The following DENND4B variants were observed in gnomAD, a reference collection of about 807,000 sequenced individuals.
The protein encoded by DENND4B is DENN domain containing 4B, also known as DENN domain-containing protein 4B.
In DENND4B, 67 loss-of-function variants were observed where a neutral mutation model predicts 161.0. The observed-to-expected ratio is 0.42, with a 90% confidence interval of 0.34 to 0.51. The LOEUF is 0.51. Among genes scored for constraint, DENND4B ranks in the 20% least tolerant of loss-of-function variants. DENND4B has a pLI of 0.08. For missense variants in DENND4B, 1,481 were observed against 1,968.0 expected (o/e 0.75, Z 4.68); for synonymous variants, 753 against 813.8 (o/e 0.93, Z 1.27).
At chr1:153,945,111 G>A in intron 1 of DENND4B, 1 of 1,289,374 alleles carries the variant, frequency 7.8e-7, no homozygotes, top group Non-Finnish European at 1.0e-6. Flanking sequence ...GACAGAAACA[G>A]GCCCACAACA....
At chr1:153,941,773 CAG>C in intron 6 of DENND4B, 94 bp downstream of exon 6, 16 of 1,426,288 alleles carry the variant, frequency 1.1e-5, no homozygotes, top group African/African-American at 1.4e-5. Context: ...ACCCTGTGCC[CAG>C]CCCTCCCCCC....
At position 153,938,957 on chromosome 1, in the gene DENND4B, G is replaced by A. The variant is rs766983146; in HGVS notation, c.1908C>T (p.Cys636=). ...CAGCATGGCGAGCAGAGCCAAAAGA[G>A]CACTCCTCAATGAACTGTGAGAACA... The part of the protein sequence containing the change: ...TQMFSQFIEE[C]SFGSARHAAL... Residue 636 remains cysteine (C), a synonymous_variant, in exon 13 of 28, where the codon TGC becomes TGT. Transcript: ENST00000361217. 18 of 1,609,404 alleles carry A rather than the reference G, an allele frequency of 1.1e-5. No individual in the cohort carries two copies. In the South Asian group the frequency reaches 2.0e-4, roughly 18 times the overall value.
intron 12 of DENND4B, 55 bp from the exon 13 acceptor site, chr1:153,939,100 A>T: frequency 6.3e-7 from 1 of 1,584,782 alleles, no homozygotes; most frequent in Non-Finnish European, 8.6e-7. Context: ...TCTCCACCAC[A>T]GCCATAGCTT....
In DENND4B at chr1:153,933,981, C is replaced by T; in HGVS notation, c.2942-110G>A. On this transcript the variant is annotated intron_variant, in intron 19 of 27. Coordinates refer to ENST00000361217, the MANE Select transcript of DENND4B (RefSeq NM_014856.3). This position sits in a 1 kb window ranked among gnomAD's most constrained non-coding sequence, Gnocchi z 5.7. ...GCACAAACTCTGGTGCCACCACCCC[C>T]ACCATGATGATATTCTGGGCGAGAT... is the stretch of plus-strand genomic sequence containing the variant. The T allele has an allele frequency of 6.6e-7, 1 of 1,510,928 alleles. No homozygotes were observed. The highest frequency in any genetic ancestry group is 8.8e-7 in the Non-Finnish European group (1 of 1,129,962). 93.6% of individuals were successfully genotyped at this position (1,510,928 alleles called of 1,614,324 possible).
In DENND4B at chr1:153,934,408, G is replaced by T; in HGVS notation, c.2774-106C>A. ...CCAGGGTTTGCAGGGTTCCTCCCAG[G>T]CAAAACTTTATCCGTTTTGTGTTTG... On this transcript the variant is annotated intron_variant, in intron 18 of 27. Coordinates refer to ENST00000361217, the MANE Select transcript of DENND4B (RefSeq NM_014856.3). The surrounding 1 kb of genome is among the most constrained non-coding windows in gnomAD (Gnocchi z 5.3). The T allele has an allele frequency of 7.2e-7, 1 of 1,391,402 alleles. No individual in the cohort carries two copies. The highest frequency in any genetic ancestry group is 9.7e-7 in the Non-Finnish European group (1 of 1,032,090). 86.2% of individuals were successfully genotyped at this position (1,391,402 alleles called of 1,614,324 possible).
At chr1:153,941,782 CCCCA>C in intron 6 of DENND4B, 83 bp downstream of exon 6, 3 of 800,086 alleles carry the variant, frequency 3.7e-6, no homozygotes, top group Non-Finnish European at 4.0e-6. Flanking sequence ...CCAGCCCTCC[CCCCA>C]CCCACATCTG....
chr1:153,940,657 G>A lies in DENND4B; in HGVS notation c.1327-51C>T, dbSNP rs1679613910. On this transcript the variant is annotated intron_variant, in intron 9 of 27. Coordinates refer to ENST00000361217, the MANE Select transcript of DENND4B (RefSeq NM_014856.3). The surrounding 1 kb of genome is among the most constrained non-coding windows in gnomAD (Gnocchi z 5.6). ...GTGAACAGGGGGTTGAGGCAGCAGT[G>A]GGAGGCACAGGAGAGAGAAAGAGAG... 6.3e-7 allele frequency: 1 copy of A among 1,582,646 alleles called. No individual in the cohort carries two copies. Among genetic ancestry groups the A allele is most frequent in the Non-Finnish European group, 8.6e-7 (1 of 1,163,830 alleles).
intron 13 of DENND4B, among the ~76,000 whole-genome samples, chr1:153,938,101 A>G (rs1679449745): frequency 6.6e-6 from 1 of 152,196 alleles, no homozygotes; most frequent in Non-Finnish European, 1.5e-5. Context: ...GTTAAGATAT[A>G]GAGTTGTGTT....
chr1:153,942,841 C>G lies in DENND4B; in HGVS notation c.570+37G>C, dbSNP rs1557858254. On this transcript the variant is annotated intron_variant, in intron 3 of 27. Transcript: ENST00000361217. This position sits in a 1 kb window ranked among gnomAD's most constrained non-coding sequence, Gnocchi z 6.9. ...CCCAGTGTCCACACCCACTCTTACA[C>G]CAAGAGGACCAGGTGTCAGCTCTTG... 3 of 1,566,192 alleles carry G rather than the reference C, an allele frequency of 1.9e-6. No homozygotes were observed. Among genetic ancestry groups the G allele is most frequent in the Non-Finnish European group, 2.6e-6 (3 of 1,152,044 alleles).
chr1:153,943,435 T>A (rs779533731), intron 2 of DENND4B, among the ~76,000 whole-genome samples: 2 of 152,168 alleles, frequency 1.3e-5, no homozygotes, highest in Non-Finnish European at 2.9e-5. Flanking sequence ...CCCAGCACTT[T>A]GGGAGGCCAA....
Position 153,929,600 on chromosome 1 carries a change from C to T in DENND4B, c.*697G>A, listed in dbSNP as rs2101988493. 1 of 152,326 alleles carries T rather than the reference C, an allele frequency of 6.6e-6. No individual in the cohort carries two copies. The highest frequency in any genetic ancestry group is 1.9e-4 in the East Asian group (1 of 5,174). 9.4% of individuals were successfully genotyped at this position (152,326 alleles called of 1,614,324 possible). ...TCAGGACCTGGGTGGGTGAGGCATT[C>T]CCCAAGGCGGGGCAGGCAAGAAAAA... On this transcript the variant is annotated 3_prime_UTR_variant, in exon 28 of 28. Coordinates refer to ENST00000361217, the MANE Select transcript of DENND4B (RefSeq NM_014856.3).
At position 153,933,146 on chromosome 1, in the gene DENND4B, G is replaced by A. The variant is rs375614366; in HGVS notation, c.3453+51C>T. 14 of 1,611,954 alleles carry A rather than the reference G, an allele frequency of 8.7e-6. No homozygotes were observed. Among genetic ancestry groups the A allele is most frequent in the Admixed American group, 5.0e-5 (3 of 59,570 alleles). ...CCATCTCCTGCCTTGGACAGGGTGA[G>A]TGTGTGCTATGTGTGTTCAAGCACA... is the stretch of plus-strand genomic sequence containing the variant. On this transcript the variant is annotated intron_variant, in intron 21 of 27. Coordinates refer to ENST00000361217, the MANE Select transcript of DENND4B (RefSeq NM_014856.3). This position sits in a 1 kb window ranked among gnomAD's most constrained non-coding sequence, Gnocchi z 5.7.
chr1:153,936,479 C>A lies in DENND4B; in HGVS notation c.2439+63G>T. On this transcript the variant is annotated intron_variant, in intron 16 of 27. Transcript: ENST00000361217. The surrounding 1 kb of genome is among the most constrained non-coding windows in gnomAD (Gnocchi z 4.1). ...TCTCCACCAAGTTTCCCTCTCACAG[C>A]CCTCTCCAGCTGCACAAGGCTCACT... 6.8e-7 allele frequency: 1 copy of A among 1,469,204 alleles called. No individual in the cohort carries two copies. Among genetic ancestry groups the A allele is most frequent in the Admixed American group, 2.3e-5 (1 of 42,682 alleles). 91.0% of individuals were successfully genotyped at this position (1,469,204 alleles called of 1,614,324 possible).
chr1:153,941,142 G>T, intron 8 of DENND4B, 89 bp downstream of exon 8: 1 of 1,576,868 alleles, frequency 6.3e-7, no homozygotes, highest in Non-Finnish European at 8.6e-7. Context: ...GACCCAGCCT[G>T]CATAAACCTC....
In DENND4B at chr1:153,933,942, C is replaced by T; in HGVS notation, c.2942-71G>A. On this transcript the variant is annotated intron_variant, in intron 19 of 27. Coordinates refer to ENST00000361217, the MANE Select transcript of DENND4B (RefSeq NM_014856.3). The surrounding 1 kb of genome is among the most constrained non-coding windows in gnomAD (Gnocchi z 5.7). ...ACCAACTTCCCCTTTCCTGAATAAA[C>T]ACAATTCCTGGCTGCACAAACTCTG... 1 of 1,567,916 alleles carries T rather than the reference C, an allele frequency of 6.4e-7. No individual in the cohort carries two copies. Among genetic ancestry groups the T allele is most frequent in the African/African-American group, 1.4e-5 (1 of 72,374 alleles).
Position 153,937,991 on chromosome 1 carries a change from G to T in DENND4B, c.1966-128C>A, listed in dbSNP as rs998071024. ...AAGAGACACAGCCTGGGAAGATGGC[G>T]TCAGGAACGGGAGGACAGTACATTA... On this transcript the variant is annotated intron_variant, in intron 13 of 27. Coordinates refer to ENST00000361217, the MANE Select transcript of DENND4B (RefSeq NM_014856.3). This position sits in a 1 kb window ranked among gnomAD's most constrained non-coding sequence, Gnocchi z 4.7. The T allele has an allele frequency of 3.0e-6, 4 of 1,347,340 alleles. No individual in the cohort carries two copies. The South Asian group carries it at 5.3e-5, about 18-fold the overall frequency. 83.5% of individuals were successfully genotyped at this position (1,347,340 alleles called of 1,614,324 possible).
At chr1:153,935,063 T>C in intron 17 of DENND4B, 99 bp from the exon 18 acceptor site, 2 of 1,549,674 alleles carry the variant, frequency 1.3e-6, no homozygotes, top group Non-Finnish European at 1.7e-6. Flanking sequence ...GCCCTTCCCC[T>C]GCAGACATCC....
rs770514950 is a variant in DENND4B, at chr1:153,944,075, G to A, written c.300C>T (p.Pro100=). ...VICYRRGRDK[P]PLVELGVLYE... ...GCACACACCCCAGCTCAACGAGGGG[G>A]GGCTTGTCACGGCCCCTGCGGTAGC... The change falls in exon 2 of 28, where the codon CCC becomes CCT. Residue 100 remains proline (P), a synonymous_variant. Transcript: ENST00000361217. This position sits in a 1 kb window ranked among gnomAD's most constrained non-coding sequence, Gnocchi z 4.8. 1.3e-5 allele frequency: 20 copies of A among 1,575,100 alleles called. No individual in the cohort carries two copies. The East Asian group carries it at 2.3e-4, about 18-fold the overall frequency.
At position 153,933,464 on chromosome 1, in the gene DENND4B, ACCCTCCTT is replaced by A; in HGVS notation, c.3330+11_3330+18del. 6.4e-7 allele frequency: 1 copy of A among 1,570,522 alleles called. No homozygotes were observed. Among genetic ancestry groups the A allele is most frequent in the Non-Finnish European group, 8.6e-7 (1 of 1,158,176 alleles). ...AGCCCACTAATGCTAAGGCATCTGG[ACCCTCCTT>A]CACTGGCTACCTCGGAGGCAGTGGA... On this transcript the variant is annotated intron_variant, in intron 20 of 27. Transcript: ENST00000361217. This position sits in a 1 kb window ranked among gnomAD's most constrained non-coding sequence, Gnocchi z 5.7.
Sources: gnomAD v4.1 joint callset for allele counts (sites outside exome capture counted in the v4.1 genomes callset) on GRCh38, gnomAD v4.1.1 for gene constraint, Gnocchi (gnomAD v3.1) non-coding constraint, MANE v1.5 for transcripts, NCBI Gene and HGNC (gene_info 2026-07-23, HGNC 2026-07-21) for gene names.